The following DNM1 variants were observed in gnomAD, a reference collection of about 807,000 sequenced individuals.
DNM1 encodes the protein dynamin-1.
Under a neutral mutation model 104.6 loss-of-function variants are expected in DNM1, and 29 were observed. The ratio of observed to expected loss-of-function variants is 0.28; its 90% confidence interval spans 0.21 to 0.38. DNM1 has a LOEUF of 0.38. Ranked by LOEUF, DNM1 falls within the 10% of genes least tolerant of loss-of-function variation. DNM1 has a pLI of 1.00. For synonymous variants in DNM1, 445 were observed against 475.8 expected (o/e 0.94, Z 0.84); for missense variants, 640 against 1,189.4 (o/e 0.54, Z 6.79).
chr9:128,250,346 G>C lies in DNM1; in HGVS notation c.2308G>C (p.Ala770Pro). 6.3e-7 allele frequency: 1 copy of C among 1,584,682 alleles called. No individual in the cohort carries two copies. The highest frequency in any genetic ancestry group is 8.6e-7 in the Non-Finnish European group (1 of 1,166,856). ...DSWLQVQSVP[A>P]GRRSPTSSPT... Reference sequence around the variant, plus strand: ...CTGGCTGCAGGTGCAGAGCGTACCGGCCGGACGCAGGTACCAGGGCCGGCC... The same window carrying C: ...CTGGCTGCAGGTGCAGAGCGTACCGCCCGGACGCAGGTACCAGGGCCGGCC... The change falls in exon 20 of 22, where the codon GCC becomes CCC. Residue 770 changes from alanine to proline, a missense_variant. By Grantham distance (27) the Ala-to-Pro change is conservative (BLOSUM62 -1). Transcript: ENST00000372923.
Position 128,254,618 on chromosome 9 carries a change from C to G in DNM1, c.2535-36C>G. The G allele has an allele frequency of 6.3e-7, 1 of 1,592,492 alleles. No individual in the cohort carries two copies. Among genetic ancestry groups the G allele is most frequent in the African/African-American group, 1.3e-5 (1 of 74,808 alleles). ...TTACCAGCTCTCTCCTCGCTTTTCT[C>G]TCCCGTTTTCTCTCTGCTTTCTCTC... On this transcript the variant is annotated intron_variant, in intron 21 of 21. Transcript: ENST00000372923. The surrounding 1 kb of genome is among the most constrained non-coding windows in gnomAD (Gnocchi z 6.1).
chr9:128,252,525 G>T, intron 21 of DNM1: 1 of 391,662 alleles, frequency 2.6e-6, no homozygotes. Flanking sequence ...GGGCTGCAAC[G>T]AGGACAGCCA....
In DNM1 at chr9:128,218,584, T is replaced by C; in HGVS notation, c.238T>C (p.Tyr80His). Residue 80 changes from tyrosine to histidine, a missense_variant and splice_region_variant, in exon 3 of 22, where the codon TAT (tyrosine) becomes CAT (histidine). Tyr to His is a moderately conservative substitution (Grantham distance 83). This residue lies in a region of DNM1 where 172 missense variants were observed against 335.3 expected (regional missense o/e 0.51). Coordinates refer to ENST00000372923, the MANE Select transcript of DNM1 (RefSeq NM_004408.4). This position sits in a 1 kb window ranked among gnomAD's most constrained non-coding sequence, Gnocchi z 4.8. Reference sequence around the variant, plus strand: ...TCCCCTGCCCGCTTCTGGAGCAGAATATGCCGAGTTCCTGCACTGCAAGGG... The same window carrying C: ...TCCCCTGCCCGCTTCTGGAGCAGAACATGCCGAGTTCCTGCACTGCAAGGG... Reference protein sequence around the residue: ...VLQLVNATTEYAEFLHCKGKK... With the variant: ...VLQLVNATTEHAEFLHCKGKK... 1 of 1,610,150 alleles carries C rather than the reference T, an allele frequency of 6.2e-7. No individual in the cohort carries two copies. The highest frequency in any genetic ancestry group is 8.5e-7 in the Non-Finnish European group (1 of 1,177,080).
Position 128,218,220 on chromosome 9 carries a change from A to G in DNM1, c.162-11A>G, listed in dbSNP as rs1483926015. On this transcript the variant is annotated splice_polypyrimidine_tract_variant and intron_variant, in intron 1 of 21. Transcript: ENST00000372923. The surrounding 1 kb of genome is among the most constrained non-coding windows in gnomAD (Gnocchi z 4.8). ...TATCTTGACCCTCCTTTGACCTCCAACTCATTGCAGGGACTTCTTGCCTCG... is the reference window on the plus strand; with the variant it reads ...TATCTTGACCCTCCTTTGACCTCCAGCTCATTGCAGGGACTTCTTGCCTCG... 1.9e-6 allele frequency: 3 copies of G among 1,613,444 alleles called. No individual in the cohort carries two copies. The highest frequency in any genetic ancestry group is 2.5e-6 in the Non-Finnish European group (3 of 1,179,804).
At chr9:128,208,485 T>C (rs1564320050) in intron 1 of DNM1, among the ~76,000 whole-genome samples, 1 of 152,200 alleles carries the variant, frequency 6.6e-6, no homozygotes, top group Non-Finnish European at 1.5e-5. Flanking sequence ...GCTCTGTCTC[T>C]TCCTCTGAAC....
chr9:128,227,779 T>A (rs1835433509), intron 10 of DNM1, among the ~76,000 whole-genome samples: 1 of 150,770 alleles, frequency 6.6e-6, no homozygotes, highest in Non-Finnish European at 1.5e-5. Flanking sequence ...AAGTTTCAAT[T>A]TTTTTTTTTG....
At position 128,218,080 on chromosome 9, in the gene DNM1, G is replaced by T. The variant is rs1478417624; in HGVS notation, c.162-151G>T. 6.6e-6 allele frequency: 5 copies of T among 755,416 alleles called. No homozygotes were observed. The highest frequency in any genetic ancestry group is 2.4e-4 in the Middle Eastern group (1 of 4,228). 46.8% of individuals were successfully genotyped at this position (755,416 alleles called of 1,614,324 possible). ...TTTCCACCTTTCTGGGCTGCCATAT[G>T]CTCTTAGTTACCTGAAGCCCCTGGG... On this transcript the variant is annotated intron_variant, in intron 1 of 21. Coordinates refer to ENST00000372923, the MANE Select transcript of DNM1 (RefSeq NM_004408.4). The surrounding 1 kb of genome is among the most constrained non-coding windows in gnomAD (Gnocchi z 4.8).
At chr9:128,239,307 C>A in intron 11 of DNM1, 138 bp from the exon 12 acceptor site, 1 of 687,304 alleles carries the variant, frequency 1.5e-6, no homozygotes, top group Admixed American at 2.2e-5. Flanking sequence ...TTTTGTCTTT[C>A]ACTGATGGTA....
At chr9:128,239,650 T>C in intron 12 of DNM1, 78 bp from the exon 13 acceptor site, 1 of 1,464,892 alleles carries the variant, frequency 6.8e-7, no homozygotes, top group South Asian at 1.2e-5. Flanking sequence ...ACCCTCTGGG[T>C]CCTGTGCCCA....
intron 1 of DNM1, among the ~76,000 whole-genome samples, chr9:128,215,950 C>T (rs1161235742): frequency 3.9e-5 from 6 of 152,042 alleles, no homozygotes; most frequent in Non-Finnish European, 4.4e-5. Context: ...TGGGGGACTC[C>T]CAAAACTGGA....
chr9:128,237,219 C>T (rs180936379), intron 11 of DNM1, among the ~76,000 whole-genome samples: 2 of 151,690 alleles, frequency 1.3e-5, no homozygotes, highest in Non-Finnish European at 2.9e-5. Context: ...CACATTTAAT[C>T]GTTTGCAAGG....
chr9:128,247,637 G>A lies in DNM1; in HGVS notation c.1893+151G>A, dbSNP rs1022237516. ...TCCCCCCTACCCACTCTGGGGGTGG[G>A]AACAGAGATAAGTCTCCTGGTATTC... is the stretch of plus-strand genomic sequence containing the variant. On this transcript the variant is annotated intron_variant, in intron 17 of 21. Transcript: ENST00000372923. The surrounding 1 kb of genome is among the most constrained non-coding windows in gnomAD (Gnocchi z 5.1). The A allele has an allele frequency of 1.8e-5, 13 of 740,166 alleles. No individual in the cohort carries two copies. Among genetic ancestry groups the A allele is most frequent in the African/African-American group, 1.4e-4 (8 of 56,424 alleles). The allele number at this position is 740,166 out of a possible 1,614,324, so 45.8% of individuals were successfully genotyped here.
chr9:128,212,176 AG>A (rs1834341261), intron 1 of DNM1, among the ~76,000 whole-genome samples: 1 of 152,220 alleles, frequency 6.6e-6, no homozygotes, highest in Non-Finnish European at 1.5e-5. Flanking sequence ...CCAGGATCTC[AG>A]GGCATTCCCT....
Position 128,248,852 on chromosome 9 carries a change from C to A in DNM1, c.2076+99C>A. On this transcript the variant is annotated intron_variant, in intron 19 of 21. Transcript: ENST00000372923. This position sits in a 1 kb window ranked among gnomAD's most constrained non-coding sequence, Gnocchi z 5.6. ...GAGATGCCAACCAGCCCTATGGGAC[C>A]AGGTCCAGGGAGGGAGGCACGGTCC... 1 of 1,376,852 alleles carries A rather than the reference C, an allele frequency of 7.3e-7. No homozygotes were observed. Among genetic ancestry groups the A allele is most frequent in the Non-Finnish European group, 1.0e-6 (1 of 983,398 alleles). 85.3% of individuals were successfully genotyped at this position (1,376,852 alleles called of 1,614,324 possible).
At chr9:128,229,042 C>T (rs1056392963) in intron 10 of DNM1, among the ~76,000 whole-genome samples, 7 of 151,568 alleles carry the variant, frequency 4.6e-5, no homozygotes, top group African/African-American at 1.2e-4. Flanking sequence ...AAATATTCAC[C>T]AATAGGAAAA....
At chr9:128,239,601 T>TAGA in intron 12 of DNM1, 86 bp downstream of exon 12, 1 of 1,285,178 alleles carries the variant, frequency 7.8e-7, no homozygotes, top group African/African-American at 1.5e-5. Flanking sequence ...TGTGTGTGTG[T>TAGA]GTGTGTGTGT....
rs761143286 is a variant in DNM1 at position 128,230,056 on chromosome 9, A to T, written c.1336-3965A>T. 5.7e-4 allele frequency among the ~76,000 whole-genome samples: 87 copies of T among 152,106 alleles called. 1 individual carries two copies. The highest frequency in any genetic ancestry group is 8.2e-4 in the Non-Finnish European group (56 of 67,972). ...AACATGGTGAAACTCTGTCTCTACT[A>T]AAAACACAAAAATTAGCTGGGTGTG... On this transcript the variant is annotated intron_variant, in intron 10 of 21. Coordinates refer to ENST00000372923, the MANE Select transcript of DNM1 (RefSeq NM_004408.4).
Position 128,254,379 on chromosome 9 carries a change from G to A in DNM1, c.2535-275G>A. The A allele has an allele frequency of 7.1e-7, 1 of 1,409,458 alleles. No individual in the cohort carries two copies. The highest frequency in any genetic ancestry group is 9.2e-7 in the Non-Finnish European group (1 of 1,090,208). The allele number at this position is 1,409,458 out of a possible 1,614,324, so 87.3% of individuals were successfully genotyped here. ...TGAATTGCGGGTGCCCTGCCTGGGT[G>A]CCGTGTGAGAGGCCAGCGTGTGTGG... On this transcript the variant is annotated intron_variant, in intron 21 of 21. Coordinates refer to ENST00000372923, the MANE Select transcript of DNM1 (RefSeq NM_004408.4). The surrounding 1 kb of genome is among the most constrained non-coding windows in gnomAD (Gnocchi z 6.1).
chr9:128,233,911 C>G (rs1835847154), intron 10 of DNM1, 110 bp from the exon 11 acceptor site: 1 of 971,688 alleles, frequency 1.0e-6, no homozygotes. Flanking sequence ...TGTGGGCATT[C>G]TGTGTGTGCC....
Sources: gnomAD v4.1 joint callset for allele counts (sites outside exome capture counted in the v4.1 genomes callset) on GRCh38, gnomAD v4.1.1 for gene constraint, gnomAD v4.1.1 regional missense constraint, Gnocchi (gnomAD v3.1) non-coding constraint, MANE v1.5 for transcripts, NCBI Gene and HGNC (gene_info 2026-07-23, HGNC 2026-07-21) for gene names.